CNTN6: variants seen among roughly 807,000 people sequenced by gnomAD.
CNTN6 encodes the protein contactin 6.
In CNTN6, 137 loss-of-function variants were observed where a neutral mutation model predicts 122.8. The ratio of observed to expected loss-of-function variants is 1.12; its 90% CI spans 0.97 to 1.29. CNTN6 has a LOEUF of 1.29. CNTN6 is among the 50% of genes most tolerant of loss of function. CNTN6 has a pLI of 0.00. For missense variants in CNTN6, 1,634 were observed against 1,223.4 expected, an observed-to-expected ratio of 1.34 and a Z score of -5.01; for synonymous variants, 570 against 426.0, an observed-to-expected ratio of 1.34 and a Z score of -4.16.
chr3:1,123,082 G>T (rs909968467), intron 1 of CNTN6, among the ~76,000 whole-genome samples: 3 of 151,770 alleles, frequency 2.0e-5, no homozygotes, highest in African/African-American at 7.2e-5. Context: ...GGAAGTATAA[G>T]TCCTTCAAGT....
intron 2 of CNTN6, among the ~76,000 whole-genome samples, chr3:1,211,402 A>G (rs2094036028): frequency 6.6e-6 from 1 of 152,194 alleles, no homozygotes; most frequent in Admixed American, 6.5e-5. Flanking sequence ...CTAAAAGCCC[A>G]GGTTGTCTGC....
At chr3:1,221,510 T>C (rs2094207196) in intron 3 of CNTN6, among the ~76,000 whole-genome samples, 1 of 152,172 alleles carries the variant, frequency 6.6e-6, no homozygotes, top group Non-Finnish European at 1.5e-5. Flanking sequence ...TGAAGACAGC[T>C]ATGTACCCTC....
At chr3:1,245,276 CACACACATATATATATAACATATATAT>C (rs2094558444) in intron 4 of CNTN6, among the ~76,000 whole-genome samples, 2 of 7,086 alleles carry the variant, frequency 2.8e-4, no homozygotes, top group Admixed American at 1.3e-3. Flanking sequence ...TATATATATA[CACACACATATATATATAACATATATAT>C]ATATATATAT....
At chr3:1,363,549 A>T (rs1228151939) in intron 12 of CNTN6, among the ~76,000 whole-genome samples, 1 of 151,914 alleles carries the variant, frequency 6.6e-6, no homozygotes, top group Non-Finnish European at 1.5e-5. Flanking sequence ...TTCACCTAGC[A>T]TAGTTCTTCC....
chr3:1,096,567 C>T (rs148845093), intron 1 of CNTN6, among the ~76,000 whole-genome samples: 148 of 152,218 alleles, frequency 9.7e-4, no homozygotes, highest in African/African-American at 3.5e-3. Context: ...TATTTGAGAA[C>T]CACTTGTTCT....
At chr3:1,332,681 G>C (rs1185717432) in intron 11 of CNTN6, among the ~76,000 whole-genome samples, 1 of 151,962 alleles carries the variant, frequency 6.6e-6, no homozygotes, top group African/African-American at 2.4e-5. Flanking sequence ...GCCTGACTTT[G>C]GCAAAGTCAT....
At chr3:1,107,605 A>T (rs1356146840) in intron 1 of CNTN6, among the ~76,000 whole-genome samples, 2 of 152,096 alleles carry the variant, frequency 1.3e-5, no homozygotes, top group Non-Finnish European at 2.9e-5. Flanking sequence ...TAAATTTTCC[A>T]GGGTGACAAA....
At chr3:1,183,442 C>T (rs1312466254) in intron 2 of CNTN6, among the ~76,000 whole-genome samples, 2 of 150,162 alleles carry the variant, frequency 1.3e-5, no homozygotes, top group African/African-American at 2.4e-5. Context: ...TTGGCCATGA[C>T]CATATTTTTT....
chr3:1,141,804 A>G (rs1243037034), intron 1 of CNTN6, among the ~76,000 whole-genome samples: 1 of 152,168 alleles, frequency 6.6e-6, no homozygotes, highest in Non-Finnish European at 1.5e-5. Context: ...ATTATTTTAG[A>G]CATTCTCTGT....
chr3:1,134,126 A>G (rs7620508), intron 1 of CNTN6, among the ~76,000 whole-genome samples: 12,133 of 152,196 alleles, frequency 0.08, 737 homozygotes, highest in East Asian at 0.31. Flanking sequence ...CAAGGCCCCG[A>G]TCGACCATAT....
At chr3:1,297,519 CAATT>C (rs758615219) in intron 6 of CNTN6, among the ~76,000 whole-genome samples, 3 of 152,032 alleles carry the variant, frequency 2.0e-5, no homozygotes, top group African/African-American at 7.2e-5. Context: ...ATTTTTATCT[CAATT>C]AATGTGATGC....
intron 1 of CNTN6, among the ~76,000 whole-genome samples, chr3:1,126,281 A>T (rs546528000): frequency 6.6e-6 from 1 of 151,838 alleles, no homozygotes; most frequent in East Asian, 1.9e-4. Flanking sequence ...CATGTATTCA[A>T]ATGTGTCCTA....
intron 7 of CNTN6, among the ~76,000 whole-genome samples, chr3:1,311,985 TG>T (rs1469060538): frequency 7.2e-5 from 11 of 152,070 alleles, no homozygotes; most frequent in Admixed American, 7.2e-4. Context: ...AATATTCTTG[TG>T]GCTGTATTTT....
rs555504759 is a variant in CNTN6 at position 1,101,806 on chromosome 3, G to A, written c.-83+8686G>A. On this transcript the variant is annotated intron_variant, in intron 1 of 22. Coordinates refer to ENST00000446702, the MANE Select transcript of CNTN6 (RefSeq NM_001289080.2). Reference sequence around the variant, plus strand: ...TAGTTAGAAAAGCAAGCCAGTGGATGTTATTAGTTTATATATTCTTTGGGA... The same window carrying A: ...TAGTTAGAAAAGCAAGCCAGTGGATATTATTAGTTTATATATTCTTTGGGA... Among the ~76,000 whole-genome samples, 4 of 152,284 alleles carry A rather than the reference G, an allele frequency of 2.6e-5. No individual in the cohort carries two copies. In the South Asian group the frequency reaches 6.2e-4, roughly 24 times the overall value.
chr3:1,387,142 T>C (rs2126201913), intron 20 of CNTN6, among the ~76,000 whole-genome samples: 1 of 152,276 alleles, frequency 6.6e-6, no homozygotes, highest in South Asian at 2.1e-4. Flanking sequence ...CTGTCCTCAC[T>C]CCTTCCCAAA....
chr3:1,153,495 AGTT>A (rs548399498), intron 2 of CNTN6, among the ~76,000 whole-genome samples: 65 of 152,300 alleles, frequency 4.3e-4, no homozygotes, highest in African/African-American at 1.5e-3. Flanking sequence ...ACTAAAATAA[AGTT>A]GTTTTTAGGG....
intron 1 of CNTN6, among the ~76,000 whole-genome samples, chr3:1,111,528 G>A (rs1391729265): frequency 7.2e-5 from 11 of 152,052 alleles, no homozygotes; most frequent in Middle Eastern, 6.4e-3. Context: ...CAAAATTAAC[G>A]CATTTTACCA....
chr3:1,353,422 A>G (rs984643942), intron 12 of CNTN6, among the ~76,000 whole-genome samples: 15 of 151,848 alleles, frequency 9.9e-5, no homozygotes, highest in African/African-American at 3.4e-4. Flanking sequence ...AACTTGTCTC[A>G]AGCGTATTAC....
At chr3:1,381,253 C>A (rs531837277) in intron 17 of CNTN6, among the ~76,000 whole-genome samples, 29 of 152,270 alleles carry the variant, frequency 1.9e-4, no homozygotes, top group African/African-American at 5.3e-4. Context: ...CTCTTCCATG[C>A]CATTCAAAAT....
Sources: allele counts gnomAD v4.1 joint callset (sites outside exome capture counted in the v4.1 genomes callset), GRCh38; gene constraint gnomAD v4.1.1; transcripts MANE v1.5; gene names NCBI Gene and HGNC (gene_info 2026-07-23, HGNC 2026-07-21).